ADGRG4: variants seen among roughly 807,000 people sequenced by gnomAD.
ADGRG4 encodes G protein-coupled receptor 112.
In ADGRG4, 122 loss-of-function variants were observed where a neutral mutation model predicts 126.2. The observed-to-expected ratio is 0.97, with a 90% CI of 0.83 to 1.12. The LOEUF (loss-of-function observed/expected upper bound fraction) is 1.12, where lower values mean the gene tolerates loss of function less well. Among genes scored for constraint, ADGRG4 ranks in the 50% most tolerant of loss-of-function variants. ADGRG4 has a pLI of 0.00. For synonymous variants in ADGRG4, 943 were observed against 838.7 expected (o/e 1.12, Z -2.15); for missense variants, 2,481 against 2,251.8 (o/e 1.10, Z -2.06).
chrX:136,319,480 G>GAT (rs1223515952), intron 4 of ADGRG4, among the ~76,000 whole-genome samples: 1 of 111,866 alleles, frequency 8.9e-6, no homozygotes, highest in Non-Finnish European at 1.9e-5. Context: ...ATGGAGAAGT[G>GAT]ATATGAGCTA....
chrX:136,414,187 T>A lies in ADGRG4; in HGVS notation c.9065T>A (p.Val3022Asp), dbSNP rs780934461. 3.3e-6 allele frequency: 4 copies of A among 1,201,782 alleles called. No individual in the cohort carries two copies. The African/African-American group carries it at 7.0e-5, about 21-fold the overall frequency. ...SDGSSRCQIKVGYKQEGLKKI... is the reference protein window; with the variant it reads ...SDGSSRCQIKDGYKQEGLKKI... ...GGGAGCAGCCGGTGTCAGATAAAGGTTGGATATAAACAGGAGGGACTAAAG... is the reference window on the plus strand; with the variant it reads ...GGGAGCAGCCGGTGTCAGATAAAGGATGGATATAAACAGGAGGGACTAAAG... Residue 3022 changes from valine to aspartate, a missense_variant, in exon 25 of 26, where the codon GTT (valine) becomes GAT (aspartate). Val to Asp is a radical substitution (Grantham distance 152). Transcript: ENST00000394143.
intron 15 of ADGRG4, among the ~76,000 whole-genome samples, chrX:136,380,604 CTCTTCTTCTTCTTCT>C (rs1219064272): frequency 2.7e-3 from 151 of 55,343 alleles, no homozygotes; most frequent in East Asian, 0.016. Flanking sequence ...CCTCCTCCTC[CTCTTCTTCTTCTTCT>C]TCTTCTTCTT....
intron 22 of ADGRG4, 126 bp from the exon 23 acceptor site, chrX:136,405,566 G>A (rs997574385): frequency 2.6e-5 from 12 of 470,519 alleles, no homozygotes; most frequent in Non-Finnish European, 3.6e-5. Flanking sequence ...AGTGAACTCT[G>A]TCCAGTTCAT....
At chrX:136,389,310 T>G (rs924144700) in intron 16 of ADGRG4, among the ~76,000 whole-genome samples, 3 of 112,400 alleles carry the variant, frequency 2.7e-5, no homozygotes, top group African/African-American at 9.7e-5. Context: ...TTTGGTAGGC[T>G]TACAATTTCT....
chrX:136,385,029 C>T (rs1236508968), intron 15 of ADGRG4, among the ~76,000 whole-genome samples: 3 of 110,751 alleles, frequency 2.7e-5, no homozygotes, highest in African/African-American at 9.8e-5. Flanking sequence ...TTTCTCTTTC[C>T]TCTCCTTTTG....
rs757824298 is a variant in ADGRG4, at chrX:136,397,980, G to T, written c.8284G>T (p.Val2762Leu). 4 of 1,207,891 alleles carry T rather than the reference G, an allele frequency of 3.3e-6. No individual in the cohort carries two copies. Among genetic ancestry groups the T allele is most frequent in the Non-Finnish European group, 4.5e-6 (4 of 891,873 alleles). The change falls in exon 20 of 26, where the codon GTG becomes TTG. Residue 2762 changes from valine to leucine, a missense_variant. By Grantham distance (32) the Val-to-Leu change is conservative. Coordinates refer to ENST00000394143, the MANE Select transcript of ADGRG4 (RefSeq NM_153834.4). ...CTCCTCCATTTTTCTGGGAGTTGCA[G>T]TGGTGACATACATAGCTTTTCAGTA... ...GISSIFLGVA[V>L]VTYIAFHKLR...
Position 136,349,798 on chromosome X carries a change from C to G in ADGRG4, c.6092C>G (p.Thr2031Ser). 8.3e-7 allele frequency: 1 copy of G among 1,210,452 alleles called. No individual in the cohort carries two copies. Among genetic ancestry groups the G allele is most frequent in the African/African-American group, 1.7e-5 (1 of 57,591 alleles). Reference protein sequence around the residue: ...ATVSNAPHVMTSSTVEVSKST... With the variant: ...ATVSNAPHVMSSSTVEVSKST... ...GTATCTAATGCCCCTCATGTTATGA[C>G]TTCCTCTACAGTAGAGGTGTCAAAA... Residue 2031 changes from threonine (T) to serine (S), a missense_variant, in exon 6 of 26, where the codon ACT becomes AGT. Physicochemically the swap from Thr to Ser is moderately conservative, Grantham distance 58. Coordinates refer to ENST00000394143, the MANE Select transcript of ADGRG4 (RefSeq NM_153834.4).
chrX:136,363,496 G>A lies in ADGRG4; in HGVS notation c.7297G>A (p.Gly2433Ser), dbSNP rs779892678. 1.5e-5 allele frequency: 18 copies of A among 1,193,672 alleles called. No homozygotes were observed. In the South Asian group the frequency reaches 3.0e-4, roughly 20 times the overall value. Residue 2433 changes from glycine (G) to serine (S), a missense_variant, in exon 13 of 26, where the codon GGC (glycine) becomes AGC (serine). Transcript: ENST00000394143. ...TTTCAGTTCAATCAGCATCAACACG[G>A]GCAAATCTCAGTGGGAAAAGCCAAA... ...TRFCSISINT[G>S]KSQWEKPKFK...
At position 136,378,018 on chromosome X, in the gene ADGRG4, A is replaced by G. The variant is rs371047871; in HGVS notation, c.7776+4954A>G. On this transcript the variant is annotated intron_variant, in intron 15 of 25. Transcript: ENST00000394143. Reference sequence around the variant, plus strand: ...ATCTGCTGATCAATTTGTATAAAAAACTTGCTGAGATTACGATTTGGATTG... The same window carrying G: ...ATCTGCTGATCAATTTGTATAAAAAGCTTGCTGAGATTACGATTTGGATTG... 3.6e-5 allele frequency among the ~76,000 whole-genome samples: 4 copies of G among 110,846 alleles called. No homozygotes were observed. In the East Asian group the frequency reaches 8.4e-4, roughly 23 times the overall value.
chrX:136,410,286 T>C (rs77159019), intron 23 of ADGRG4, among the ~76,000 whole-genome samples: 1 of 111,588 alleles, frequency 9.0e-6, no homozygotes, highest in Non-Finnish European at 1.9e-5. Flanking sequence ...CTCTTTCAGC[T>C]TTTTTTCACT....
chrX:136,402,998 A>G (rs1350485491), intron 21 of ADGRG4, among the ~76,000 whole-genome samples: 1 of 112,530 alleles, frequency 8.9e-6, no homozygotes, highest in African/African-American at 3.2e-5. Context: ...CACTTGAGCT[A>G]TTTTTAATAA....
chrX:136,310,867 C>T (rs1184598905), intron 4 of ADGRG4, among the ~76,000 whole-genome samples: 1 of 111,657 alleles, frequency 9.0e-6, no homozygotes, highest in African/African-American at 3.3e-5. Context: ...GGGCCTAGGA[C>T]TTAGGCTGTA....
chrX:136,312,620 C>G (rs1209341396), intron 4 of ADGRG4, among the ~76,000 whole-genome samples: 1 of 111,053 alleles, frequency 9.0e-6, no homozygotes, highest in Non-Finnish European at 1.9e-5. Flanking sequence ...GAGTGAAACC[C>G]TGTCCCTAAA....
chrX:136,395,495 T>C lies in ADGRG4; in HGVS notation c.8184+2T>C. ...CTCACCCATTTTGGAGTCTTAATGG[T>C]GAGTTGTCTCTTAGTCACTCCTCGA... On this transcript the variant is annotated splice_donor_variant, in intron 19 of 25. Transcript: ENST00000394143. LOFTEE classifies it high-confidence loss of function. 1.9e-6 allele frequency: 2 copies of C among 1,078,133 alleles called. No homozygotes were observed. Among genetic ancestry groups the C allele is most frequent in the Non-Finnish European group, 1.3e-6 (1 of 777,225 alleles). 88.9% of individuals were successfully genotyped at this position (1,078,133 alleles called of 1,213,427 possible).
intron 25 of ADGRG4, among the ~76,000 whole-genome samples, chrX:136,415,776 G>A (rs1458633216): frequency 1.8e-5 from 2 of 111,786 alleles, no homozygotes; most frequent in Non-Finnish European, 3.8e-5. Context: ...TGTCCCTGGG[G>A]ACTATTTAAT....
Position 136,346,471 on chromosome X carries a change from G to A in ADGRG4, c.2765G>A (p.Ser922Asn), listed in dbSNP as rs919750327. 2 of 1,209,496 alleles carry A rather than the reference G, an allele frequency of 1.7e-6. No individual in the cohort carries two copies. Among genetic ancestry groups the A allele is most frequent in the Admixed American group, 2.2e-5 (1 of 45,800 alleles). Residue 922 changes from serine (S) to asparagine (N), a missense_variant, in exon 6 of 26, where the codon AGT becomes AAT. By Grantham distance (46) the Ser-to-Asn change is conservative. Coordinates refer to ENST00000394143, the MANE Select transcript of ADGRG4 (RefSeq NM_153834.4). ...AAATTGGTGAAAACCACACCTAGGA[G>A]TTCATACAATGAAATGACAGAAATG... Reference protein sequence around the residue: ...LTKLVKTTPRSSYNEMTEMFN... With the variant: ...LTKLVKTTPRNSYNEMTEMFN...
At chrX:136,321,952 G>A (rs1027220365) in intron 4 of ADGRG4, among the ~76,000 whole-genome samples, 4 of 112,012 alleles carry the variant, frequency 3.6e-5, no homozygotes, top group Non-Finnish European at 5.6e-5. Flanking sequence ...ATACAATGCT[G>A]TGGCCCCAAA....
At chrX:136,412,180 C>G in intron 23 of ADGRG4, 85 bp from the exon 24 acceptor site, 1 of 618,294 alleles carries the variant, frequency 1.6e-6, no homozygotes, top group Non-Finnish European at 2.7e-6. Context: ...TAGTATCTCT[C>G]ATGACAGAAG....
At chrX:136,388,741 A>C (rs750325543) in intron 16 of ADGRG4, among the ~76,000 whole-genome samples, 1 of 111,657 alleles carries the variant, frequency 9.0e-6, no homozygotes, top group Non-Finnish European at 1.9e-5. Context: ...TTTGAAGATA[A>C]TGAACACTAT....
Sources: allele counts gnomAD v4.1 joint callset (sites outside exome capture counted in the v4.1 genomes callset), GRCh38; gene constraint gnomAD v4.1.1; transcripts MANE v1.5; gene names NCBI Gene and HGNC (gene_info 2026-07-23, HGNC 2026-07-21).